STAU2: variants seen among roughly 807,000 people sequenced by gnomAD.
The protein encoded by STAU2 is staufen double-stranded RNA binding protein 2.
Under a neutral mutation model 65.9 loss-of-function variants are expected in STAU2, and 20 were observed. The ratio of observed to expected loss-of-function variants is 0.30; its 90% CI spans 0.21 to 0.44. The LOEUF (loss-of-function observed/expected upper bound fraction) is 0.44, where lower values mean the gene tolerates loss of function less well. Among genes scored for constraint, STAU2 ranks in the 20% least tolerant of loss-of-function variants. The pLI is 1.00. For synonymous variants in STAU2, 232 were observed against 233.9 expected (o/e 0.99, Z 0.07); for missense variants, 558 against 683.9 (o/e 0.82, Z 2.05).
intron 13 of STAU2, among the ~76,000 whole-genome samples, chr8:73,451,243 CTTT>C (rs1265500123): frequency 4.6e-5 from 7 of 152,142 alleles, no homozygotes. Flanking sequence ...CCGTCAGCTT[CTTT>C]AATAGGGGTG....
Position 73,589,754 on chromosome 8 carries a change from G to A in STAU2, c.1161+5412C>T, listed in dbSNP as rs1810631807. ...TAAATGGAAACTCCAAGGAAAAGAG[G>A]GAGAAAACAAGGAATAAAATATATT... On this transcript the variant is annotated intron_variant, in intron 11 of 14. Coordinates refer to ENST00000524300, the MANE Select transcript of STAU2 (RefSeq NM_001164380.2). Among the ~76,000 whole-genome samples the A allele has an allele frequency of 2.6e-5, 4 of 151,984 alleles. No individual in the cohort carries two copies. In the South Asian group the frequency reaches 6.2e-4, roughly 24 times the overall value.
intron 4 of STAU2, 86 bp downstream of exon 4, chr8:73,708,946 C>T: frequency 7.5e-7 from 1 of 1,332,744 alleles, no homozygotes; most frequent in East Asian, 2.8e-5. Flanking sequence ...AACCCCCACT[C>T]CCCAAAATAA....
At chr8:73,555,586 AAAAAAT>A (rs931777465) in intron 12 of STAU2, among the ~76,000 whole-genome samples, 24 of 151,592 alleles carry the variant, frequency 1.6e-4, no homozygotes, top group Non-Finnish European at 5.9e-5. Flanking sequence ...CACACACAAT[AAAAAAT>A]AATGCAACAA....
chr8:73,641,030 C>T (rs1814918777), intron 6 of STAU2, among the ~76,000 whole-genome samples: 1 of 152,148 alleles, frequency 6.6e-6, no homozygotes, highest in Admixed American at 6.5e-5. Flanking sequence ...TAGACTTAAA[C>T]TAACTCTATA....
In STAU2 at chr8:73,450,472, A is replaced by G. The variant is rs372824082; in HGVS notation, c.1531-27770T>C. ...GATGAGGTGGAGTCCAAGGAGAGGA[A>G]ACTAAAGACTCATTTTACCCTCTAG... is the stretch of plus-strand genomic sequence containing the variant. On this transcript the variant is annotated intron_variant, in intron 13 of 14. Transcript: ENST00000524300. Among the ~76,000 whole-genome samples, 68 of 152,296 alleles carry G rather than the reference A, an allele frequency of 4.5e-4. 1 individual carries two copies. The South Asian group carries it at 0.013, about 29-fold the overall frequency.
intron 7 of STAU2, among the ~76,000 whole-genome samples, chr8:73,616,026 T>C (rs1436634464): frequency 6.6e-6 from 1 of 152,210 alleles, no homozygotes; most frequent in African/African-American, 2.4e-5. Context: ...AATCTTTTAC[T>C]CAACCATACA....
intron 13 of STAU2, among the ~76,000 whole-genome samples, chr8:73,536,977 T>C (rs1208590597): frequency 6.6e-6 from 1 of 152,206 alleles, no homozygotes; most frequent in Admixed American, 6.5e-5. Context: ...ATGTCACAGA[T>C]GATAGACTTA....
intron 13 of STAU2, among the ~76,000 whole-genome samples, chr8:73,534,789 C>T (rs980548536): frequency 3.3e-5 from 5 of 152,192 alleles, no homozygotes; most frequent in African/African-American, 4.8e-5. Flanking sequence ...TATGAACATA[C>T]ATTTAACATG....
At chr8:73,468,852 T>G (rs2128904374) in intron 13 of STAU2, among the ~76,000 whole-genome samples, 1 of 152,310 alleles carries the variant, frequency 6.6e-6, no homozygotes, top group Non-Finnish European at 1.5e-5. Context: ...TTTACACCGT[T>G]GGTGGGACTG....
At chr8:73,484,500 G>A (rs940222746) in intron 13 of STAU2, among the ~76,000 whole-genome samples, 4 of 152,050 alleles carry the variant, frequency 2.6e-5, no homozygotes, top group African/African-American at 7.2e-5. Flanking sequence ...AGTAGAACTC[G>A]GCTAATGAAT....
intron 6 of STAU2, among the ~76,000 whole-genome samples, chr8:73,619,810 G>A (rs1305537834): frequency 2.0e-5 from 3 of 152,082 alleles, no homozygotes; most frequent in Non-Finnish European, 2.9e-5. Flanking sequence ...ACAACACAAT[G>A]TCAGGGACAG....
chr8:73,522,042 G>A (rs566677198), intron 13 of STAU2, among the ~76,000 whole-genome samples: 7 of 152,150 alleles, frequency 4.6e-5, no homozygotes, highest in Non-Finnish European at 7.3e-5. Flanking sequence ...AACACAATAA[G>A]GCAGGCAGCA....
intron 13 of STAU2, among the ~76,000 whole-genome samples, chr8:73,425,161 C>A (rs1447295177): frequency 2.0e-5 from 3 of 152,152 alleles, no homozygotes; most frequent in African/African-American, 7.2e-5. Context: ...GTCCTAACCC[C>A]CAGTATCTCA....
intron 13 of STAU2, among the ~76,000 whole-genome samples, chr8:73,542,810 A>T (rs995630234): frequency 6.6e-6 from 1 of 152,212 alleles, no homozygotes. Flanking sequence ...ATTAACGTGT[A>T]CAACCCTCAC....
chr8:73,621,829 G>A (rs74909705), intron 6 of STAU2, among the ~76,000 whole-genome samples: 4 of 152,168 alleles, frequency 2.6e-5, no homozygotes, highest in Non-Finnish European at 5.9e-5. Context: ...CTCTCTGCAC[G>A]ATAAAGGTCC....
At chr8:73,528,862 C>T (rs974022618) in intron 13 of STAU2, among the ~76,000 whole-genome samples, 4 of 151,982 alleles carry the variant, frequency 2.6e-5, no homozygotes, top group African/African-American at 9.7e-5. Flanking sequence ...ATTTTTATTG[C>T]AGAATATGGC....
chr8:73,593,664 T>C (rs1810979380), intron 11 of STAU2, among the ~76,000 whole-genome samples: 1 of 152,160 alleles, frequency 6.6e-6, no homozygotes, highest in Admixed American at 6.6e-5. Flanking sequence ...ACAATGTGGG[T>C]AGTCCTCATC....
chr8:73,464,776 T>A (rs928418389), intron 13 of STAU2, among the ~76,000 whole-genome samples: 5 of 152,224 alleles, frequency 3.3e-5, no homozygotes, highest in African/African-American at 1.2e-4. Flanking sequence ...TAGCTTGTAA[T>A]AACATGCTTA....
At chr8:73,673,559 C>T (rs1393933) in intron 5 of STAU2, among the ~76,000 whole-genome samples, 1 of 152,036 alleles carries the variant, frequency 6.6e-6, no homozygotes, top group African/African-American at 2.4e-5. Context: ...TACTGCATTT[C>T]ATCATTACTT....
Sources: allele counts gnomAD v4.1 joint callset (sites outside exome capture counted in the v4.1 genomes callset), GRCh38; gene constraint gnomAD v4.1.1; transcripts MANE v1.5; gene names NCBI Gene and HGNC (gene_info 2026-07-23, HGNC 2026-07-21).